The following SYK variants were observed in gnomAD, a reference collection of about 807,000 sequenced individuals.
The protein encoded by SYK is spleen associated tyrosine kinase, also known as tyrosine-protein kinase SYK.
In SYK, 16 loss-of-function variants were observed where a neutral mutation model predicts 77.8. The ratio of observed to expected loss-of-function variants is 0.21; its 90% confidence interval spans 0.14 to 0.31. SYK has a LOEUF of 0.31. Among genes scored for constraint, SYK ranks in the 10% least tolerant of loss-of-function variants. The pLI is 1.00. For synonymous variants in SYK, 312 were observed against 308.7 expected, an observed-to-expected ratio of 1.01 and a Z score of -0.11; for missense variants, 529 against 814.4, an observed-to-expected ratio of 0.65 and a Z score of 4.26.
chr9:90,807,225 C>G (rs10993695), intron 1 of SYK, among the ~76,000 whole-genome samples: 14,909 of 152,186 alleles, frequency 0.098, 741 homozygotes, highest in Middle Eastern at 0.14. Flanking sequence ...GCCACAGCCT[C>G]TTTGGGAAAC....
At chr9:90,887,452 C>T (rs1293642618) in intron 11 of SYK, among the ~76,000 whole-genome samples, 5 of 142,448 alleles carry the variant, frequency 3.5e-5, no homozygotes. Flanking sequence ...GTCACCCAGG[C>T]TGCAGTGCAG....
intron 3 of SYK, among the ~76,000 whole-genome samples, chr9:90,850,007 C>T (rs543326066): frequency 1.3e-4 from 20 of 152,322 alleles, no homozygotes; most frequent in Middle Eastern, 3.4e-3. Context: ...TCTTTCCATC[C>T]CTGCATCACA....
In SYK at chr9:90,835,861, C is replaced by T. The variant is rs114359779; in HGVS notation, c.-41-7997C>T. Among the ~76,000 whole-genome samples the T allele has an allele frequency of 6.1e-3, 929 of 152,270 alleles. 10 individuals are homozygous for T. Among genetic ancestry groups the T allele is most frequent in the African/African-American group, 0.022 (896 of 41,550 alleles). ...TACAAAAGCAACATACAATTTTGAC[C>T]CTTGAACGTTACAGGTTTGAACCAT... On this transcript the variant is annotated intron_variant, in intron 1 of 13. Transcript: ENST00000375754.
At chr9:90,854,462 C>T (rs1235392182) in intron 3 of SYK, among the ~76,000 whole-genome samples, 2 of 152,252 alleles carry the variant, frequency 1.3e-5, no homozygotes, top group East Asian at 3.9e-4. Flanking sequence ...TTGGTGGGTC[C>T]TAAAGTTGCA....
Position 90,802,170 on chromosome 9 carries a change from A to C in SYK, c.-42+277A>C, listed in dbSNP as rs554429486. 4 of 152,296 alleles carry C rather than the reference A, an allele frequency of 2.6e-5. No homozygotes were observed. In the South Asian group the frequency reaches 8.3e-4, roughly 32 times the overall value. 9.4% of individuals were successfully genotyped at this position (152,296 alleles called of 1,614,324 possible). On this transcript the variant is annotated intron_variant, in intron 1 of 13. Coordinates refer to ENST00000375754, the MANE Select transcript of SYK (RefSeq NM_003177.7). Reference sequence around the variant, plus strand: ...GTGCGGAAAGTGACCCGGGCACCCCAGGGCGCCCAGGCCCCCAGGGAGCGC... The same window carrying C: ...GTGCGGAAAGTGACCCGGGCACCCCCGGGCGCCCAGGCCCCCAGGGAGCGC...
rs546456764 is a variant in SYK at position 90,803,828 on chromosome 9, AC to A, written c.-42+1938del. On this transcript the variant is annotated intron_variant, in intron 1 of 13. Coordinates refer to ENST00000375754, the MANE Select transcript of SYK (RefSeq NM_003177.7). Reference sequence around the variant, plus strand: ...TTTAGAAAGGTAAACATACATGTTGACCCTGCTGGTTACATGCCATTCCAAT... The same window carrying A: ...TTTAGAAAGGTAAACATACATGTTGACCTGCTGGTTACATGCCATTCCAAT... Among the ~76,000 whole-genome samples, 50 of 152,316 alleles carry A rather than the reference AC, an allele frequency of 3.3e-4. No individual in the cohort carries two copies. In the East Asian group the frequency reaches 8.7e-3, roughly 26 times the overall value.
intron 1 of SYK, among the ~76,000 whole-genome samples, chr9:90,821,752 G>T (rs547333204): frequency 6.6e-5 from 10 of 152,212 alleles, no homozygotes; most frequent in African/African-American, 2.4e-4. Flanking sequence ...ACTTAGTGCC[G>T]TATTTTTTGC....
chr9:90,857,798 C>A (rs909475365), intron 3 of SYK, among the ~76,000 whole-genome samples: 15 of 152,088 alleles, frequency 9.9e-5, no homozygotes, highest in Non-Finnish European at 1.9e-4. Context: ...CCAGCACAGG[C>A]CCCCTCTGTC....
rs1196002732 is a variant in SYK, at chr9:90,874,756, T to C, written c.1088T>C (p.Val363Ala). 6.2e-7 allele frequency: 1 copy of C among 1,613,690 alleles called. No homozygotes were observed. Residue 363 changes from valine (V) to alanine (A), a missense_variant, in exon 9 of 14, where the codon GTT becomes GCT. By Grantham distance (64) the Val-to-Ala change is moderately conservative. Transcript: ENST00000375754. ...ADPEEIRPKE[V>A]YLDRKLLTLE... ...CCCGAGGAGATCAGGCCCAAGGAGG[T>C]TTACCTGGACCGAAAGCTGCTGACG...
At position 90,867,190 on chromosome 9, in the gene SYK, C is replaced by T. The variant is rs1827532890; in HGVS notation, c.906C>T (p.Gly302=). 1.9e-6 allele frequency: 3 copies of T among 1,614,032 alleles called. No individual in the cohort carries two copies. The African/African-American group carries it at 4.0e-5, about 22-fold the overall frequency. Residue 302 remains glycine, a synonymous_variant, in exon 7 of 14, where the codon GGC becomes GGT. Coordinates refer to ENST00000375754, the MANE Select transcript of SYK (RefSeq NM_003177.7). The part of the protein sequence containing the change: ...RIKSYSFPKP[G]HRKSSPAQGN... Reference sequence around the variant, plus strand: ...AATCATACTCCTTCCCAAAGCCTGGCCACAGAAAGGTGCTAAAGCAACCCC... The same window carrying T: ...AATCATACTCCTTCCCAAAGCCTGGTCACAGAAAGGTGCTAAAGCAACCCC...
Position 90,866,688 on chromosome 9 carries a change from C to T in SYK, c.847-443C>T, listed in dbSNP as rs757613887. Among the ~76,000 whole-genome samples the T allele has an allele frequency of 2.5e-4, 38 of 151,908 alleles. 1 individual carries two copies. The highest frequency in any genetic ancestry group is 4.6e-4 in the Non-Finnish European group (31 of 67,970). On this transcript the variant is annotated intron_variant, in intron 6 of 13. Coordinates refer to ENST00000375754, the MANE Select transcript of SYK (RefSeq NM_003177.7). Reference sequence around the variant, plus strand: ...TTTTAATTGACTGGTAAGATACATACGGGAAAAAAAAGGCATACGCCCTAT... The same window carrying T: ...TTTTAATTGACTGGTAAGATACATATGGGAAAAAAAAGGCATACGCCCTAT...
intron 1 of SYK, among the ~76,000 whole-genome samples, chr9:90,810,943 C>T (rs1428057391): frequency 6.6e-6 from 1 of 151,798 alleles, no homozygotes; most frequent in East Asian, 1.9e-4. Flanking sequence ...GATGAATGGT[C>T]TTGGGAAAAC....
At chr9:90,845,380 T>A (rs1826547867) in intron 2 of SYK, 54 bp from the exon 3 acceptor site, 1 of 1,560,860 alleles carries the variant, frequency 6.4e-7, no homozygotes, top group African/African-American at 1.4e-5. Context: ...GCCTTCTGCA[T>A]CATTTTCATT....
chr9:90,854,207 T>TGTGCCCCAGGCCACACCAG (rs1315600491), intron 3 of SYK, among the ~76,000 whole-genome samples: 3 of 152,104 alleles, frequency 2.0e-5, no homozygotes, highest in African/African-American at 7.2e-5. Flanking sequence ...GGCCACACCA[T>TGTGCCCCAGGCCACACCAG]GAGGTGTTGA....
chr9:90,860,198 A>G (rs1004320314), intron 3 of SYK, among the ~76,000 whole-genome samples: 1 of 152,218 alleles, frequency 6.6e-6, no homozygotes, highest in Non-Finnish European at 1.5e-5. Flanking sequence ...CACAGACGTA[A>G]AAGATTAAAT....
At chr9:90,834,120 CAAGCCCTCACTG>C (rs1825986958) in intron 1 of SYK, among the ~76,000 whole-genome samples, 1 of 151,526 alleles carries the variant, frequency 6.6e-6, no homozygotes, top group Non-Finnish European at 1.5e-5. Flanking sequence ...TGGTTCAGTC[CAAGCCCTCACTG>C]ACTTTCCACC....
intron 3 of SYK, among the ~76,000 whole-genome samples, chr9:90,860,572 G>C (rs899396721): frequency 6.6e-6 from 1 of 152,142 alleles, no homozygotes; most frequent in African/African-American, 2.4e-5. Context: ...TGTTCTCACA[G>C]TGGGGAGGTT....
intron 10 of SYK, 53 bp from the exon 11 acceptor site, chr9:90,878,711 T>C (rs1828034741): frequency 1.3e-6 from 2 of 1,499,498 alleles, no homozygotes; most frequent in South Asian, 1.2e-5. Context: ...TGGTTGTTTG[T>C]TGTGAAATGG....
At chr9:90,867,878 C>T (rs931129681) in intron 7 of SYK, among the ~76,000 whole-genome samples, 1 of 151,932 alleles carries the variant, frequency 6.6e-6, no homozygotes, top group Non-Finnish European at 1.5e-5. Context: ...TATTCCTTCC[C>T]CCAAAATATG....
Sources: gnomAD v4.1 joint callset for allele counts (sites outside exome capture counted in the v4.1 genomes callset) on GRCh38, gnomAD v4.1.1 for gene constraint, MANE v1.5 for transcripts, NCBI Gene and HGNC (gene_info 2026-07-23, HGNC 2026-07-21) for gene names.